Variants in ZNF677 observed in about 807,000 individuals in gnomAD.
ZNF677 encodes hypothetical protein MGC48625.
In ZNF677, 5 loss-of-function variants were observed where a neutral mutation model predicts 8.1. The observed-to-expected ratio is 0.62, with a 90% CI of 0.32 to 1.29. The LOEUF (loss-of-function observed/expected upper bound fraction) is 1.29. Among genes scored for constraint, ZNF677 ranks in the 50% most tolerant of loss-of-function variants. ZNF677 has a pLI of 0.05. For synonymous variants in ZNF677, 221 were observed against 225.6 expected, an observed-to-expected ratio of 0.98 and a Z score of 0.18; for missense variants, 685 against 685.9, an observed-to-expected ratio of 1.00 and a Z score of 0.01.
At chr19:53,254,677 C>T (rs2091287545) in intron 1 of ZNF677, 157 bp downstream of exon 1, 3 of 152,484 alleles carry the variant, frequency 2.0e-5, no homozygotes, top group Admixed American at 6.5e-5. Flanking sequence ...TAGACCCTCT[C>T]GGAGCGACGG....
intron 3 of ZNF677, among the ~76,000 whole-genome samples, chr19:53,250,796 C>CT (rs1268802957): frequency 1.3e-5 from 2 of 152,122 alleles, no homozygotes; most frequent in Non-Finnish European, 2.9e-5. Flanking sequence ...TATAACAAAC[C>CT]TACCCCTGGA....
intron 4 of ZNF677, chr19:53,243,182 C>A (rs1490704582): frequency 2.6e-5 from 4 of 153,452 alleles, no homozygotes; most frequent in African/African-American, 9.6e-5. Flanking sequence ...ATTTTCACTT[C>A]ACTTTCCATA....
intron 3 of ZNF677, among the ~76,000 whole-genome samples, chr19:53,247,378 T>C (rs2091162382): frequency 7.4e-6 from 1 of 135,930 alleles, no homozygotes; most frequent in South Asian, 2.8e-4. Flanking sequence ...TAATGACAGC[T>C]GATGACCTTA....
At chr19:53,241,700 C>G (rs1169073335) in intron 4 of ZNF677, 1 of 392,668 alleles carries the variant, frequency 2.5e-6, no homozygotes, top group Non-Finnish European at 4.5e-6. Context: ...TCCTGATTCT[C>G]TCTCAGCATA....
intron 3 of ZNF677, 66 bp from the exon 4 acceptor site, chr19:53,243,963 G>A: frequency 6.9e-7 from 1 of 1,448,984 alleles, no homozygotes; most frequent in Non-Finnish European, 9.3e-7. Flanking sequence ...CAAAATGGCA[G>A]AAAAGAGGTG....
chr19:53,243,938 T>C, intron 3 of ZNF677, 41 bp from the exon 4 acceptor site: 1 of 1,527,942 alleles, frequency 6.5e-7, no homozygotes, highest in East Asian at 2.3e-5. Flanking sequence ...CACAGGAAAA[T>C]TTCTTATTTT....
intron 3 of ZNF677, among the ~76,000 whole-genome samples, chr19:53,246,190 C>T (rs4803076): frequency 0.74 from 111,009 of 150,874 alleles, 41,347 homozygotes; most frequent in African/African-American, 0.85. Context: ...TGGTGGCGGG[C>T]GCCTGTAGTC....
At chr19:53,239,700 T>G (rs901248466) in intron 4 of ZNF677, 2 of 152,160 alleles carry the variant, frequency 1.3e-5, no homozygotes, top group African/African-American at 2.4e-5. Context: ...ATCTTATTCA[T>G]AAAGGTAACT....
intron 3 of ZNF677, among the ~76,000 whole-genome samples, chr19:53,248,952 C>T (rs2091190538): frequency 6.6e-6 from 1 of 152,052 alleles, no homozygotes; most frequent in African/African-American, 2.4e-5. Flanking sequence ...TTCATGGTGT[C>T]CCAAAGCTTT....
intron 3 of ZNF677, chr19:53,249,418 A>T (rs2091199044): frequency 6.6e-6 from 1 of 152,232 alleles, no homozygotes; most frequent in African/African-American, 2.4e-5. Flanking sequence ...TAAACAACCA[A>T]TGTGTCTTCA....
intron 4 of ZNF677, chr19:53,242,118 G>C (rs1298321474): frequency 2.5e-6 from 1 of 395,338 alleles, no homozygotes; most frequent in East Asian, 3.6e-5. Flanking sequence ...TTTTAGTAGA[G>C]ACGGGGTTTT....
intron 3 of ZNF677, among the ~76,000 whole-genome samples, chr19:53,247,918 T>C (rs1315115094): frequency 1.3e-5 from 2 of 152,196 alleles, no homozygotes; most frequent in African/African-American, 4.8e-5. Context: ...TTTTAAAAAA[T>C]TATTCCTCCA....
chr19:53,237,598 A>G lies in ZNF677; in HGVS notation c.1129T>C (p.Cys377Arg). ...RIHTGEKPYK[C>R]NECDKAFAER... Reference sequence around the variant, plus strand: ...GCAAAGGCTTTGTCACATTCATTACATTTGTAAGGTTTCTCTCCAGTATGA... The same window carrying G: ...GCAAAGGCTTTGTCACATTCATTACGTTTGTAAGGTTTCTCTCCAGTATGA... Residue 377 changes from cysteine (C) to arginine (R), a missense_variant, in exon 5 of 5, where the codon TGT becomes CGT. Coordinates refer to ENST00000598513, the MANE Select transcript of ZNF677 (RefSeq NM_182609.4). The G allele has an allele frequency of 1.2e-6, 2 of 1,613,744 alleles. No individual in the cohort carries two copies. Among genetic ancestry groups the G allele is most frequent in the Non-Finnish European group, 1.7e-6 (2 of 1,179,864 alleles).
At position 53,243,821 on chromosome 19, in the gene ZNF677, G is replaced by A; in HGVS notation, c.92C>T (p.Ala31Val). The A allele has an allele frequency of 6.2e-7, 1 of 1,614,104 alleles. No individual in the cohort carries two copies. The change falls in exon 4 of 5, where the codon GCC (alanine) becomes GTC (valine). Residue 31 changes from alanine (A) to valine (V), a missense_variant. Transcript: ENST00000598513. ...CTCCAACATCACGTCCCTGTACAAG[G>A]CCCTCTGGGCAGGGTCCAGGCACTC... is the stretch of plus-strand genomic sequence containing the variant. Reference protein sequence around the residue: ...EWECLDPAQRALYRDVMLENY... With the variant: ...EWECLDPAQRVLYRDVMLENY...
chr19:53,243,714 A>G, intron 4 of ZNF677, 30 bp downstream of exon 4: 2 of 1,613,686 alleles, frequency 1.2e-6, no homozygotes, highest in Admixed American at 1.7e-5. Context: ...ACTCACAAGG[A>G]AAAATGTAAA....
chr19:53,253,618 C>T (rs2965244), intron 1 of ZNF677, among the ~76,000 whole-genome samples: 57,836 of 151,914 alleles, frequency 0.38, 12,310 homozygotes, highest in East Asian at 0.77. Flanking sequence ...ACCCTGGAGG[C>T]GGAGGTTGCA....
At chr19:53,246,530 A>G (rs868101215) in intron 3 of ZNF677, among the ~76,000 whole-genome samples, 1 of 139,380 alleles carries the variant, frequency 7.2e-6, no homozygotes, top group African/African-American at 2.7e-5. Context: ...ACACACACAC[A>G]CTCACACACA....
rs767615855 is a variant in ZNF677 at position 53,237,728 on chromosome 19, A to G, written c.999T>C (p.Asn333=). 1.2e-6 allele frequency: 2 copies of G among 1,613,656 alleles called. No homozygotes were observed. The highest frequency in any genetic ancestry group is 1.3e-5 in the African/African-American group (1 of 74,872). The part of the protein sequence containing the change: ...ICGKVCSQNS[N]LASHQRMHTG... ...TATGCATCCTCTGATGACTTGCAAG[A>G]TTTGAATTTTGACTACAGACCTTGC... Residue 333 remains asparagine, a synonymous_variant, in exon 5 of 5, where the codon AAT becomes AAC. Transcript: ENST00000598513.
At chr19:53,242,133 T>G (rs1568691344) in intron 4 of ZNF677, 1 of 395,166 alleles carries the variant, frequency 2.5e-6, no homozygotes, top group East Asian at 3.6e-5. Flanking sequence ...GGTTTTTCCA[T>G]GTTAGTCAGG....
Sources: allele counts gnomAD v4.1 joint callset (sites outside exome capture counted in the v4.1 genomes callset), GRCh38; gene constraint gnomAD v4.1.1; transcripts MANE v1.5; gene names NCBI Gene and HGNC (gene_info 2026-07-23, HGNC 2026-07-21).